Variants in GPR26 observed in about 807,000 individuals in gnomAD.
GPR26 encodes G protein-coupled receptor 26.
In GPR26, 15 loss-of-function variants were observed where a neutral mutation model predicts 23.1. The ratio of observed to expected loss-of-function variants is 0.65; its 90% CI spans 0.43 to 1.00. GPR26 has a LOEUF of 1.00. Among genes scored for constraint, GPR26 ranks in the 50% least tolerant of loss-of-function variants. GPR26 has a pLI of 0.00. For synonymous variants in GPR26, 228 were observed against 222.1 expected (o/e 1.03, Z -0.24); for missense variants, 359 against 470.5 (o/e 0.76, Z 2.19).
Position 123,667,090 on chromosome 10 carries a change from G to T in GPR26, c.668+15G>T. 6.4e-7 allele frequency: 1 copy of T among 1,556,602 alleles called. No individual in the cohort carries two copies. Among genetic ancestry groups the T allele is most frequent in the Non-Finnish European group, 8.7e-7 (1 of 1,148,758 alleles). On this transcript the variant is annotated intron_variant, in intron 1 of 2. Transcript: ENST00000284674. ...CTGCACCCCAGGTGAGCCGAGCGCA[G>T]CTAAGGCTCTGGGAACAGCCGCGCG... is the stretch of plus-strand genomic sequence containing the variant.
Position 123,688,605 on chromosome 10 carries a change from G to A in GPR26, c.*445G>A. ...CCATGCTGAAAGGGAGGCTGGCAGT[G>A]GTCATTTGGCCCGGATCTAACATGG... On this transcript the variant is annotated 3_prime_UTR_variant, in exon 3 of 3. Coordinates refer to ENST00000284674, the MANE Select transcript of GPR26 (RefSeq NM_153442.4). 5.2e-6 allele frequency: 1 copy of A among 193,344 alleles called. No individual in the cohort carries two copies. Among genetic ancestry groups the A allele is most frequent in the Non-Finnish European group, 1.1e-5 (1 of 92,910 alleles). The allele number at this position is 193,344 out of a possible 1,614,324, so 12.0% of individuals were successfully genotyped here.
chr10:123,672,674 C>T (rs1349654553), intron 1 of GPR26, among the ~76,000 whole-genome samples: 1 of 152,218 alleles, frequency 6.6e-6, no homozygotes, highest in African/African-American at 2.4e-5. Flanking sequence ...CACATGGCCC[C>T]AGAGTCAGAA....
intron 1 of GPR26, among the ~76,000 whole-genome samples, chr10:123,672,447 A>T (rs533782744): frequency 4.6e-5 from 7 of 152,268 alleles, no homozygotes; most frequent in Admixed American, 3.9e-4. Context: ...GCCCGGTGCC[A>T]TTAAGGTTAG....
intron 1 of GPR26, among the ~76,000 whole-genome samples, chr10:123,668,274 C>T (rs1253110113): frequency 6.6e-6 from 1 of 152,178 alleles, no homozygotes; most frequent in East Asian, 1.9e-4. Flanking sequence ...AACAAGCAGT[C>T]CTTGACCTTC....
intron 2 of GPR26, among the ~76,000 whole-genome samples, chr10:123,678,992 C>T (rs1845339444): frequency 6.6e-6 from 1 of 152,244 alleles, no homozygotes; most frequent in Non-Finnish European, 1.5e-5. Context: ...GCATTCAGCA[C>T]AGTGTGGACT....
chr10:123,671,324 G>A (rs1447793124), intron 1 of GPR26, among the ~76,000 whole-genome samples: 6 of 152,168 alleles, frequency 3.9e-5, no homozygotes, highest in Admixed American at 3.9e-4. Context: ...CACCCCACAT[G>A]TCATAATGCT....
At position 123,696,742 on chromosome 10, in the gene GPR26, C is replaced by T. The variant is rs890266209; in HGVS notation, c.*8582C>T. On this transcript the variant is annotated 3_prime_UTR_variant, in exon 3 of 3. Transcript: ENST00000284674. ...GTGTTGGAGTGAATGTGCCCATAAC[C>T]CTGTGCTCCCATAAGTCTGTGTGCC... Among the ~76,000 whole-genome samples, 18 of 152,160 alleles carry T rather than the reference C, an allele frequency of 1.2e-4. No individual in the cohort carries two copies. The highest frequency in any genetic ancestry group is 2.5e-4 in the Non-Finnish European group (17 of 68,036).
chr10:123,670,147 A>T (rs1414089429), intron 1 of GPR26, among the ~76,000 whole-genome samples: 1 of 151,974 alleles, frequency 6.6e-6, no homozygotes, highest in African/African-American at 2.4e-5. Flanking sequence ...GCTTCCTCTG[A>T]GGCTGCCCCA....
In GPR26 at chr10:123,691,264, GT is replaced by G. The variant is rs33984124; in HGVS notation, c.*3109del. 0.16 allele frequency: 24,696 copies of G among 152,088 alleles called. 2,329 individuals are homozygous for G. The highest frequency in any genetic ancestry group is 0.38 in the East Asian group (1,958 of 5,160). 9.4% of individuals were successfully genotyped at this position (152,088 alleles called of 1,614,324 possible). ...AAGATGGCTCACCAATCACCTGCCTGTTTTTACTTAGAAAGCAGGCTTGGGC... is the reference window on the plus strand; with the variant it reads ...AAGATGGCTCACCAATCACCTGCCTGTTTTACTTAGAAAGCAGGCTTGGGC... On this transcript the variant is annotated 3_prime_UTR_variant, in exon 3 of 3. Transcript: ENST00000284674.
intron 2 of GPR26, among the ~76,000 whole-genome samples, chr10:123,687,426 G>A (rs1281207475): frequency 6.6e-6 from 1 of 152,110 alleles, no homozygotes; most frequent in Non-Finnish European, 1.5e-5. Flanking sequence ...TTTTTCACAT[G>A]AGACATGCAG....
intron 1 of GPR26, among the ~76,000 whole-genome samples, chr10:123,668,818 T>C (rs2133921202): frequency 6.6e-6 from 1 of 152,196 alleles, no homozygotes; most frequent in South Asian, 2.1e-4. Context: ...CGGAGGAGGG[T>C]TGAGCTGGGA....
chr10:123,673,876 G>A (rs1483106216), intron 1 of GPR26, among the ~76,000 whole-genome samples: 1 of 152,144 alleles, frequency 6.6e-6, no homozygotes, highest in African/African-American at 2.4e-5. Context: ...TGGCCTCACA[G>A]AGCTTATGCT....
intron 1 of GPR26, among the ~76,000 whole-genome samples, chr10:123,667,444 T>C (rs911605413): frequency 6.6e-6 from 1 of 152,192 alleles, no homozygotes; most frequent in Non-Finnish European, 1.5e-5. Flanking sequence ...TGTTTGATTC[T>C]GGCCGAGAGG....
rs1195595010 is a variant in GPR26, at chr10:123,696,049, C to G, written c.*7889C>G. Among the ~76,000 whole-genome samples, 1 of 152,170 alleles carries G rather than the reference C, an allele frequency of 6.6e-6. No homozygotes were observed. The highest frequency in any genetic ancestry group is 1.5e-5 in the Non-Finnish European group (1 of 68,038). On this transcript the variant is annotated 3_prime_UTR_variant, in exon 3 of 3. Transcript: ENST00000284674. ...AGGCCAGATTTAATTTTCACAGGCT[C>G]ATCTGGGAGAAGGATCAAATCCTGC...
Position 123,671,613 on chromosome 10 carries a change from G to A in GPR26, c.669-3205G>A, listed in dbSNP as rs186056086. Among the ~76,000 whole-genome samples the A allele has an allele frequency of 1.6e-3, 250 of 152,234 alleles. 1 individual carries two copies. The highest frequency in any genetic ancestry group is 5.8e-3 in the African/African-American group (241 of 41,532). ...CTCGGGAGAGCTTTGAACCTCACAC[G>A]CTCTGCACCATAGATTCTGCCTGCA... On this transcript the variant is annotated intron_variant, in intron 1 of 2. Transcript: ENST00000284674.
At chr10:123,670,349 A>C (rs1845235485) in intron 1 of GPR26, among the ~76,000 whole-genome samples, 2 of 152,232 alleles carry the variant, frequency 1.3e-5, no homozygotes, top group East Asian at 3.8e-4. Flanking sequence ...CACCTAATTC[A>C]ACAGATCTAG....
At chr10:123,678,890 T>G (rs1056027608) in intron 2 of GPR26, among the ~76,000 whole-genome samples, 1 of 152,102 alleles carries the variant, frequency 6.6e-6, no homozygotes, top group African/African-American at 2.4e-5. Flanking sequence ...TGCAAACACT[T>G]CCATATTCCT....
intron 2 of GPR26, among the ~76,000 whole-genome samples, chr10:123,675,527 G>T (rs1417679111): frequency 6.6e-6 from 1 of 152,118 alleles, no homozygotes; most frequent in Non-Finnish European, 1.5e-5. Flanking sequence ...AGCCAGCCAA[G>T]ATTGCAATAC....
intron 1 of GPR26, among the ~76,000 whole-genome samples, chr10:123,667,982 T>A (rs1446990518): frequency 2.6e-5 from 4 of 152,118 alleles, no homozygotes; most frequent in South Asian, 4.2e-4. Context: ...GACTCTGCTA[T>A]TTTACATCCT....
Sources: allele counts gnomAD v4.1 joint callset (sites outside exome capture counted in the v4.1 genomes callset), GRCh38; gene constraint gnomAD v4.1.1; transcripts MANE v1.5; gene names NCBI Gene and HGNC (gene_info 2026-07-23, HGNC 2026-07-21).